Variants in FSTL5 observed in about 807,000 individuals in gnomAD.
The protein encoded by FSTL5 is follistatin like 5.
Under a neutral mutation model 89.1 loss-of-function variants are expected in FSTL5, and 62 were observed. The observed-to-expected ratio is 0.70, with a 90% confidence interval of 0.57 to 0.86. FSTL5 has a LOEUF of 0.86. FSTL5 is among the 40% of genes least tolerant of loss of function. The pLI is 0.00. For missense variants in FSTL5, 1,057 were observed against 1,001.6 expected (o/e 1.06, Z -0.75); for synonymous variants, 383 against 346.2 (o/e 1.11, Z -1.18).
chr4:161,476,588 G>A (rs944293384), intron 13 of FSTL5, among the ~76,000 whole-genome samples: 6 of 152,040 alleles, frequency 3.9e-5, no homozygotes, highest in Non-Finnish European at 8.8e-5. Flanking sequence ...AGTCTTCTAA[G>A]GTATTTTTCT....
At chr4:161,816,479 C>T (rs1730330044) in intron 4 of FSTL5, among the ~76,000 whole-genome samples, 1 of 152,146 alleles carries the variant, frequency 6.6e-6, no homozygotes, top group South Asian at 2.1e-4. Flanking sequence ...AACATTTATA[C>T]ATAATCATAT....
chr4:161,803,309 A>T (rs1729856103), intron 4 of FSTL5, among the ~76,000 whole-genome samples: 1 of 151,984 alleles, frequency 6.6e-6, no homozygotes, highest in African/African-American at 2.4e-5. Context: ...AATAATACAC[A>T]ATCTATATTG....
At chr4:161,578,425 T>C (rs954668363) in intron 8 of FSTL5, among the ~76,000 whole-genome samples, 1 of 152,000 alleles carries the variant, frequency 6.6e-6, no homozygotes, top group Non-Finnish European at 1.5e-5. Context: ...AAGTACAGTA[T>C]GTACAAATGT....
At chr4:161,671,833 C>T (rs1737124958) in intron 6 of FSTL5, among the ~76,000 whole-genome samples, 1 of 152,110 alleles carries the variant, frequency 6.6e-6, no homozygotes, top group Non-Finnish European at 1.5e-5. Context: ...GTGACAGTAG[C>T]ATCCTACCAG....
intron 7 of FSTL5, among the ~76,000 whole-genome samples, chr4:161,607,723 CT>C (rs1287250053): frequency 6.6e-6 from 1 of 152,140 alleles, no homozygotes; most frequent in African/African-American, 2.4e-5. Flanking sequence ...TTTTGTGCCG[CT>C]TCTAATCTTA....
chr4:161,840,520 A>C (rs1731177742), intron 4 of FSTL5, among the ~76,000 whole-genome samples: 1 of 152,206 alleles, frequency 6.6e-6, no homozygotes, highest in Non-Finnish European at 1.5e-5. Context: ...TCTCAAGACT[A>C]ATCCTCAGGT....
chr4:162,050,828 AATAAATT>A (rs1487754800), intron 2 of FSTL5, among the ~76,000 whole-genome samples: 1 of 151,444 alleles, frequency 6.6e-6, no homozygotes, highest in African/African-American at 2.4e-5. Context: ...TAATGAAGTT[AATAAATT>A]AATAAAGAGA....
At chr4:161,772,244 T>C (rs1741235081) in intron 5 of FSTL5, among the ~76,000 whole-genome samples, 1 of 152,162 alleles carries the variant, frequency 6.6e-6, no homozygotes, top group African/African-American at 2.4e-5. Flanking sequence ...AACTTTTACT[T>C]ATGACTGGCT....
chr4:161,515,553 G>A (rs573831037), intron 10 of FSTL5, among the ~76,000 whole-genome samples: 1 of 150,598 alleles, frequency 6.6e-6, no homozygotes, highest in East Asian at 1.9e-4. Context: ...TACATATATG[G>A]AAATTTATCT....
At chr4:162,089,889 A>C (rs1259065748) in intron 2 of FSTL5, among the ~76,000 whole-genome samples, 3 of 152,144 alleles carry the variant, frequency 2.0e-5, no homozygotes, top group Non-Finnish European at 4.4e-5. Context: ...TTATAAAATT[A>C]CCAATGTCTT....
Position 161,676,585 on chromosome 4 carries a change from TGAC to T in FSTL5, c.728-20094_728-20092del, listed in dbSNP as rs1341854118. On this transcript the variant is annotated intron_variant, in intron 6 of 15. Transcript: ENST00000306100. Reference sequence around the variant, plus strand: ...GGTTGATGGGTGCAGCAAACTACCATGACACGTGTATACCTATGTTAACAAACC... The same window carrying T: ...GGTTGATGGGTGCAGCAAACTACCATACGTGTATACCTATGTTAACAAACC... Among the ~76,000 whole-genome samples, 4 of 152,124 alleles carry T rather than the reference TGAC, an allele frequency of 2.6e-5. No individual in the cohort carries two copies. The East Asian group carries it at 5.8e-4, about 22-fold the overall frequency.
intron 3 of FSTL5, among the ~76,000 whole-genome samples, chr4:161,977,684 A>G (rs1735704220): frequency 6.8e-6 from 1 of 146,806 alleles, no homozygotes; most frequent in Non-Finnish European, 1.5e-5. Flanking sequence ...TTTTTTAAAA[A>G]TTTGGCTAAA....
intron 7 of FSTL5, among the ~76,000 whole-genome samples, chr4:161,615,397 C>T (rs1376128414): frequency 7.3e-6 from 1 of 136,490 alleles, no homozygotes; most frequent in Non-Finnish European, 1.5e-5. Flanking sequence ...ACCAGGGAGG[C>T]GGAGCTTGCA....
chr4:161,864,795 C>T lies in FSTL5; in HGVS notation c.409+55609G>A, dbSNP rs534601473. Among the ~76,000 whole-genome samples, 5 of 145,250 alleles carry T rather than the reference C, an allele frequency of 3.4e-5. No individual in the cohort carries two copies. In the South Asian group the frequency reaches 1.1e-3, roughly 32 times the overall value. On this transcript the variant is annotated intron_variant, in intron 4 of 15. Coordinates refer to ENST00000306100, the MANE Select transcript of FSTL5 (RefSeq NM_020116.5). ...GCCGAGGCAGGAGAATCACTTGAAC[C>T]CGGGAGGTAGAGGTTGCAGTGAGCC...
chr4:161,625,063 G>T (rs549891528), intron 7 of FSTL5, among the ~76,000 whole-genome samples: 99 of 152,152 alleles, frequency 6.5e-4, no homozygotes, highest in African/African-American at 2.2e-3. Context: ...ATACAGTATT[G>T]TTCAATAATG....
In FSTL5 at chr4:161,609,195, A is replaced by T. The variant is rs576890085; in HGVS notation, c.895-21620T>A. On this transcript the variant is annotated intron_variant, in intron 7 of 15. Transcript: ENST00000306100. ...ACAGTGTTCAATGGGCATTTGAATA[A>T]ATTAATGAATACATTAATTATAATG... is the stretch of plus-strand genomic sequence containing the variant. Among the ~76,000 whole-genome samples the T allele has an allele frequency of 3.3e-5, 5 of 152,222 alleles. No individual in the cohort carries two copies. In the South Asian group the frequency reaches 1.0e-3, roughly 32 times the overall value.
At chr4:161,829,287 G>A (rs1449541308) in intron 4 of FSTL5, among the ~76,000 whole-genome samples, 1 of 150,436 alleles carries the variant, frequency 6.6e-6, no homozygotes, top group African/African-American at 2.4e-5. Flanking sequence ...TTAATTTTAA[G>A]TAGCAAAAAT....
chr4:162,150,070 G>C (rs1280088425), intron 1 of FSTL5, among the ~76,000 whole-genome samples: 1 of 152,116 alleles, frequency 6.6e-6, no homozygotes, highest in Non-Finnish European at 1.5e-5. Flanking sequence ...AATCAGGATT[G>C]TATCAGAATA....
intron 3 of FSTL5, among the ~76,000 whole-genome samples, chr4:161,965,212 C>A (rs937594185): frequency 6.6e-6 from 1 of 151,994 alleles, no homozygotes; most frequent in Non-Finnish European, 1.5e-5. Flanking sequence ...TTTTAAAATT[C>A]TTTTCAAAAT....
Sources: allele counts gnomAD v4.1 joint callset (sites outside exome capture counted in the v4.1 genomes callset), GRCh38; gene constraint gnomAD v4.1.1; transcripts MANE v1.5; gene names NCBI Gene and HGNC (gene_info 2026-07-23, HGNC 2026-07-21).